The following ZNF721 variants were observed in gnomAD, a reference collection of about 807,000 sequenced individuals.
ZNF721 encodes the protein zinc finger protein 721.
Under a neutral mutation model 2.4 loss-of-function variants are expected in ZNF721, and 2 were observed. That is an observed-to-expected ratio of 0.82 (90% CI 0.34 to 2.58). The LOEUF is 2.58. Among genes scored for constraint, ZNF721 ranks in the 30% most tolerant of loss-of-function variants. The probability of loss-of-function intolerance (pLI) is 0.11; values close to 1 mark genes in which losing one functional copy is unlikely to be tolerated. For synonymous variants in ZNF721, 398 were observed against 381.8 expected, an observed-to-expected ratio of 1.04 and a Z score of -0.50; for missense variants, 1,187 against 1,085.5, an observed-to-expected ratio of 1.09 and a Z score of -1.31.
intron 2 of ZNF721, among the ~76,000 whole-genome samples, chr4:460,815 A>C (rs1715042553): frequency 6.6e-6 from 1 of 152,196 alleles, no homozygotes; most frequent in Non-Finnish European, 1.5e-5. Flanking sequence ...AATACGATAA[A>C]CAACTCTACG....
rs570899149 is a variant in ZNF721, at chr4:467,908, G to A, written c.34+4667C>T. ...GCCCAGCACTTTGGGAGGCCGAGGCGGGCAAATCAGGAGGTCAGGAGATCA... is the reference window on the plus strand; with the variant it reads ...GCCCAGCACTTTGGGAGGCCGAGGCAGGCAAATCAGGAGGTCAGGAGATCA... On this transcript the variant is annotated intron_variant, in intron 2 of 2. Coordinates refer to ENST00000511833, the MANE Select transcript of ZNF721 (RefSeq NM_133474.4). Among the ~76,000 whole-genome samples, 46 of 151,916 alleles carry A rather than the reference G, an allele frequency of 3.0e-4. No individual in the cohort carries two copies. The East Asian group carries it at 6.0e-3, about 20-fold the overall frequency.
At chr4:477,617 C>A (rs181763189) in intron 1 of ZNF721, among the ~76,000 whole-genome samples, 229 of 152,156 alleles carry the variant, frequency 1.5e-3, no homozygotes, top group African/African-American at 5.4e-3. Flanking sequence ...TTTTTAGTCT[C>A]AACCTATTGA....
rs1714325457 is a variant in ZNF721 at position 443,081 on chromosome 4, T to G, written c.1386A>C (p.Lys462Asn). 1 of 1,613,892 alleles carries G rather than the reference T, an allele frequency of 6.2e-7. No individual in the cohort carries two copies. Among genetic ancestry groups the G allele is most frequent in the Non-Finnish European group, 8.5e-7 (1 of 1,179,840 alleles). ...KAFIHSLHLN[K>N]HEKIHTGKKP... ...TCTTTCCAGTATGAATTTTCTCATG[T>G]TTATTCAGGTGCAAGGAATGTATAA... Residue 462 changes from lysine (K) to asparagine (N), a missense_variant, in exon 3 of 3, where the codon AAA (lysine) becomes AAC (asparagine). Physicochemically the swap from Lys to Asn is moderately conservative, Grantham distance 94. Transcript: ENST00000511833.
chr4:491,520 A>G lies in ZNF721; in HGVS notation c.-94+7536T>C, dbSNP rs1716022723. On this transcript the variant is annotated intron_variant, in intron 1 of 2. Coordinates refer to ENST00000511833, the MANE Select transcript of ZNF721 (RefSeq NM_133474.4). ...GGACAGCTCGGCTCTGCTAAGACCA[A>G]ATGTAAATGTTTCAAGAGCAGACTG... 2.0e-5 allele frequency among the ~76,000 whole-genome samples: 3 copies of G among 152,266 alleles called. No homozygotes were observed. The South Asian group carries it at 6.2e-4, about 31-fold the overall frequency.
intron 2 of ZNF721, among the ~76,000 whole-genome samples, chr4:450,956 A>AATAT (rs71166812): frequency 9.9e-4 from 63 of 63,718 alleles, no homozygotes; most frequent in African/African-American, 4.3e-3. Context: ...AAAAAAAAAA[A>AATAT]ATATATATAT....
chr4:465,648 G>T (rs1270911581), intron 2 of ZNF721, among the ~76,000 whole-genome samples: 1 of 151,920 alleles, frequency 6.6e-6, no homozygotes. Flanking sequence ...TAGCCAGGAT[G>T]GTCTCGATCT....
At chr4:452,121 C>T (rs565591281) in intron 2 of ZNF721, among the ~76,000 whole-genome samples, 7 of 152,280 alleles carry the variant, frequency 4.6e-5, no homozygotes, top group Non-Finnish European at 7.3e-5. Context: ...TGGCCCTGGC[C>T]AGGCCTGTGT....
Position 499,150 on chromosome 4 carries a change from C to A in ZNF721, c.-188G>T, listed in dbSNP as rs1202953263. 2.3e-5 allele frequency: 14 copies of A among 618,170 alleles called. No homozygotes were observed. Among genetic ancestry groups the A allele is most frequent in the Non-Finnish European group, 3.8e-5 (14 of 371,778 alleles). The allele number at this position is 618,170 out of a possible 1,614,324, so 38.3% of individuals were successfully genotyped here. On this transcript the variant is annotated 5_prime_UTR_variant, in exon 1 of 3. Coordinates refer to ENST00000511833, the MANE Select transcript of ZNF721 (RefSeq NM_133474.4). Reference sequence around the variant, plus strand: ...CTGTTCGTATGTCCGAGGTGACGCCCCGCTGTGGCGGGCTGGCGGAAGTGA... The same window carrying A: ...CTGTTCGTATGTCCGAGGTGACGCCACGCTGTGGCGGGCTGGCGGAAGTGA...
intron 2 of ZNF721, among the ~76,000 whole-genome samples, chr4:463,603 G>T (rs1377512782): frequency 2.0e-5 from 3 of 152,168 alleles, no homozygotes; most frequent in African/African-American, 7.2e-5. Flanking sequence ...CATGTCCTAT[G>T]CAGGGACATG....
At chr4:485,078 G>A (rs1399307249) in intron 1 of ZNF721, among the ~76,000 whole-genome samples, 12 of 152,098 alleles carry the variant, frequency 7.9e-5, no homozygotes, top group Admixed American at 7.9e-4. Context: ...GTGAATATCA[G>A]GGCAGATTCC....
At chr4:485,841 G>T (rs1463034262) in intron 1 of ZNF721, among the ~76,000 whole-genome samples, 1 of 152,140 alleles carries the variant, frequency 6.6e-6, no homozygotes, top group African/African-American at 2.4e-5. Context: ...CAGGCGTGCT[G>T]GTGCGTGCCT....
Position 499,150 on chromosome 4 carries a change from C to T in ZNF721, c.-188G>A. ...CTGTTCGTATGTCCGAGGTGACGCC[C>T]CGCTGTGGCGGGCTGGCGGAAGTGA... is the stretch of plus-strand genomic sequence containing the variant. On this transcript the variant is annotated 5_prime_UTR_variant, in exon 1 of 3. Coordinates refer to ENST00000511833, the MANE Select transcript of ZNF721 (RefSeq NM_133474.4). 3.2e-6 allele frequency: 2 copies of T among 618,290 alleles called. No homozygotes were observed. Among genetic ancestry groups the T allele is most frequent in the Non-Finnish European group, 5.4e-6 (2 of 371,772 alleles). 38.3% of individuals were successfully genotyped at this position (618,290 alleles called of 1,614,324 possible). A position where few individuals can be genotyped will look rare whatever the true frequency, so the allele number is the denominator to read the frequency against.
intron 1 of ZNF721, among the ~76,000 whole-genome samples, chr4:493,863 G>C (rs1716085125): frequency 6.6e-6 from 1 of 152,148 alleles, no homozygotes; most frequent in African/African-American, 2.4e-5. Flanking sequence ...ACAACTTATA[G>C]TATTTGGCAG....
intron 1 of ZNF721, among the ~76,000 whole-genome samples, chr4:475,615 G>A (rs1715605053): frequency 7.4e-6 from 1 of 134,378 alleles, no homozygotes; most frequent in East Asian, 2.2e-4. Flanking sequence ...TCTATAGGCA[G>A]CTCCACAACT....
Position 442,792 on chromosome 4 carries a change from A to G in ZNF721, c.1675T>C (p.Cys559Arg), listed in dbSNP as rs1714307596. The change falls in exon 3 of 3, where the codon TGT (cysteine) becomes CGT (arginine). Residue 559 changes from cysteine (C) to arginine (R), a missense_variant. Physicochemically the swap from Cys to Arg is radical, Grantham distance 180 (BLOSUM62 -3). Transcript: ENST00000511833. ...CTAAAGGTTTTGCCACATTCTTCAC[A>G]TGTGTAGGGTTTCTCTCCAGTATGA... The part of the protein sequence containing the change: ...RIHTGEKPYT[C>R]EECGKTFRQS... 5 of 1,613,802 alleles carry G rather than the reference A, an allele frequency of 3.1e-6. No individual in the cohort carries two copies. The highest frequency in any genetic ancestry group is 1.3e-5 in the African/African-American group (1 of 74,930).
Position 441,548 on chromosome 4 carries a change from C to T in ZNF721, c.*147G>A. 2.9e-6 allele frequency: 2 copies of T among 684,520 alleles called. No homozygotes were observed. The highest frequency in any genetic ancestry group is 4.7e-6 in the Non-Finnish European group (2 of 424,742). 42.4% of individuals were successfully genotyped at this position (684,520 alleles called of 1,614,324 possible). ...ACATTTTTCACATTTTAGAGTTTCT[C>T]TTCATTATGAATTATCTTATGATTA... is the stretch of plus-strand genomic sequence containing the variant. On this transcript the variant is annotated 3_prime_UTR_variant, in exon 3 of 3. Transcript: ENST00000511833.
At chr4:478,349 T>C (rs539999073) in intron 1 of ZNF721, among the ~76,000 whole-genome samples, 4 of 152,206 alleles carry the variant, frequency 2.6e-5, no homozygotes, top group Non-Finnish European at 5.9e-5. Flanking sequence ...ACTTTGTTTT[T>C]TTTGCATATT....
At chr4:493,577 G>A (rs1209357102) in intron 1 of ZNF721, among the ~76,000 whole-genome samples, 2 of 151,986 alleles carry the variant, frequency 1.3e-5, no homozygotes, top group African/African-American at 4.8e-5. Flanking sequence ...TACTCAGGAG[G>A]CTGAGGCAGG....
chr4:497,734 A>C (rs183979918), intron 1 of ZNF721, among the ~76,000 whole-genome samples: 6,244 of 147,372 alleles, frequency 0.042, 198 homozygotes, highest in African/African-American at 0.083. Flanking sequence ...AAAAAATACA[A>C]AAAAAAAAAA....
Sources: allele counts gnomAD v4.1 joint callset (sites outside exome capture counted in the v4.1 genomes callset), GRCh38; gene constraint gnomAD v4.1.1; transcripts MANE v1.5; gene names NCBI Gene and HGNC (gene_info 2026-07-23, HGNC 2026-07-21).